Variants in C1orf53 observed in about 807,000 individuals in gnomAD.
C1orf53 encodes chromosome 1 open reading frame 53, also known as uncharacterized protein C1orf53.
In C1orf53, 23 loss-of-function variants were observed where a neutral mutation model predicts 17.5. The observed-to-expected ratio is 1.31, with a 90% CI of 0.94 to 1.86. The LOEUF (loss-of-function observed/expected upper bound fraction) is 1.86. Ranked by LOEUF, C1orf53 falls within the 40% of genes most tolerant of loss-of-function variation. The pLI, the probability that C1orf53 is intolerant of heterozygous loss-of-function variation, is 0.00. For missense variants in C1orf53, 255 were observed against 193.2 expected (o/e 1.32, Z -1.89); for synonymous variants, 108 against 81.9 (o/e 1.32, Z -1.72).
Position 197,902,707 on chromosome 1 carries a change from G to T in C1orf53, c.58G>T (p.Ala20Ser). ...TGAALCRQPS[A>S]APPPAPLWVR... ...TGCCGCGCTCTGCAGGCAACCTTCCGCCGCCCCGCCGCCAGCACCTCTCTG... is the reference window on the plus strand; with the variant it reads ...TGCCGCGCTCTGCAGGCAACCTTCCTCCGCCCCGCCGCCAGCACCTCTCTG... Residue 20 changes from alanine to serine, a missense_variant, in exon 1 of 3, where the codon GCC becomes TCC. Transcript: ENST00000367393. The T allele has an allele frequency of 6.6e-7, 1 of 1,524,396 alleles. No individual in the cohort carries two copies. 94.4% of individuals were successfully genotyped at this position (1,524,396 alleles called of 1,614,324 possible).
Position 197,902,907 on chromosome 1 carries a change from C to T in C1orf53, c.258C>T (p.Ala86=). 6.8e-7 allele frequency: 1 copy of T among 1,467,976 alleles called. No homozygotes were observed. Among genetic ancestry groups the T allele is most frequent in the Non-Finnish European group, 9.0e-7 (1 of 1,113,020 alleles). The allele number at this position is 1,467,976 out of a possible 1,614,324, so 90.9% of individuals were successfully genotyped here. ...AGATCGCGGAGCTGCACGCTGCCGC[C>T]TGCGCGGTGAGACTCCCTCCTGCCC... ...ERQIAELHAA[A]CAAGQLNYVD... The change falls in exon 1 of 3, where the codon GCC becomes GCT. Residue 86 remains alanine (A), a synonymous_variant. Coordinates refer to ENST00000367393, the MANE Select transcript of C1orf53 (RefSeq NM_001024594.3).
intron 2 of C1orf53, among the ~76,000 whole-genome samples, chr1:197,906,284 G>A (rs187751067): frequency 6.6e-6 from 1 of 152,174 alleles, no homozygotes; most frequent in African/African-American, 2.4e-5. Flanking sequence ...ATAGAAACTC[G>A]CCCAGCATTG....
In C1orf53 at chr1:197,902,894, T is replaced by A; in HGVS notation, c.245T>A (p.Leu82Gln). The A allele has an allele frequency of 6.7e-7, 1 of 1,482,714 alleles. No homozygotes were observed. The highest frequency in any genetic ancestry group is 8.9e-7 in the Non-Finnish European group (1 of 1,120,480). 91.8% of individuals were successfully genotyped at this position (1,482,714 alleles called of 1,614,324 possible). ...LTAAERQIAE[L>Q]HAAACAAGQL... ...GCGGCGGAGCGACAGATCGCGGAGC[T>A]GCACGCTGCCGCCTGCGCGGTGAGA... Residue 82 changes from leucine to glutamine, a missense_variant, in exon 1 of 3, where the codon CTG (leucine) becomes CAG (glutamine). By Grantham distance (113) the Leu-to-Gln change is moderately radical. Coordinates refer to ENST00000367393, the MANE Select transcript of C1orf53 (RefSeq NM_001024594.3).
rs370341155 is a variant in C1orf53 at position 197,906,475 on chromosome 1, G to A, written c.366+578G>A. 2.0e-3 allele frequency among the ~76,000 whole-genome samples: 298 copies of A among 146,640 alleles called. 1 individual carries two copies. Among genetic ancestry groups the A allele is most frequent in the African/African-American group, 7.1e-3 (281 of 39,620 alleles). On this transcript the variant is annotated intron_variant, in intron 2 of 2. Transcript: ENST00000367393. ...TTTCCAGTCTGTGTTTGAAATAACT[G>A]TGAAACTAGATTATACTGCATGTAG...
At chr1:197,906,416 C>T (rs1402463866) in intron 2 of C1orf53, among the ~76,000 whole-genome samples, 1 of 151,684 alleles carries the variant, frequency 6.6e-6, no homozygotes, top group African/African-American at 2.4e-5. Flanking sequence ...CCCCCCGCCA[C>T]CACCTTCCTC....
At chr1:197,903,116 TTGAG>T (rs2102582172) in intron 1 of C1orf53, among the ~76,000 whole-genome samples, 1 of 152,354 alleles carries the variant, frequency 6.6e-6, no homozygotes, top group Non-Finnish European at 1.5e-5. Context: ...TGTGTCTGTC[TTGAG>T]TATGAGTGTG....
At chr1:197,905,694 AT>A (rs1286444522) in intron 1 of C1orf53, 101 bp from the exon 2 acceptor site, 1 of 778,568 alleles carries the variant, frequency 1.3e-6, no homozygotes, top group African/African-American at 1.7e-5. Context: ...GAAGTTTAAT[AT>A]TGTTTAAAAT....
chr1:197,906,022 T>C, intron 2 of C1orf53, 125 bp downstream of exon 2: 1 of 714,248 alleles, frequency 1.4e-6, no homozygotes, highest in Non-Finnish European at 2.4e-6. Context: ...TTTCACAAGC[T>C]ACTTTAGCCA....
chr1:197,902,901 T>G lies in C1orf53; in HGVS notation c.252T>G (p.Ala84=). The part of the protein sequence containing the change: ...AAERQIAELH[A]AACAAGQLNY... ...AGCGACAGATCGCGGAGCTGCACGC[T>G]GCCGCCTGCGCGGTGAGACTCCCTC... Residue 84 remains alanine (A), a synonymous_variant, in exon 1 of 3, where the codon GCT becomes GCG. Coordinates refer to ENST00000367393, the MANE Select transcript of C1orf53 (RefSeq NM_001024594.3). 1 of 1,475,646 alleles carries G rather than the reference T, an allele frequency of 6.8e-7. No individual in the cohort carries two copies. Among genetic ancestry groups the G allele is most frequent in the Non-Finnish European group, 9.0e-7 (1 of 1,117,006 alleles). 91.4% of individuals were successfully genotyped at this position (1,475,646 alleles called of 1,614,324 possible).
chr1:197,905,775 T>A (rs765384914), intron 1 of C1orf53, 21 bp from the exon 2 acceptor site: 2 of 1,485,730 alleles, frequency 1.3e-6, no homozygotes, highest in Admixed American at 3.4e-5. Flanking sequence ...TAATGAATTG[T>A]TTCATTTTAT....
In C1orf53 at chr1:197,903,021, G is replaced by A. The variant is rs1012103434; in HGVS notation, c.264+108G>A. The A allele has an allele frequency of 6.0e-5, 64 of 1,059,322 alleles. 1 individual carries two copies. In the African/African-American group the frequency reaches 1.0e-3, roughly 17 times the overall value. 65.6% of individuals were successfully genotyped at this position (1,059,322 alleles called of 1,614,324 possible). ...CGGAGGCCGCCCGGCAGAGGCAAAG[G>A]TTGCTGGATACCGGTGCGGTCCTGC... is the stretch of plus-strand genomic sequence containing the variant. On this transcript the variant is annotated intron_variant, in intron 1 of 2. Coordinates refer to ENST00000367393, the MANE Select transcript of C1orf53 (RefSeq NM_001024594.3).
chr1:197,905,949 TC>T (rs755243366), intron 2 of C1orf53, 52 bp downstream of exon 2: 2 of 1,235,082 alleles, frequency 1.6e-6, no homozygotes, highest in Non-Finnish European at 2.4e-6. Flanking sequence ...TTCTGTAACT[TC>T]GTAAATACCT....
At chr1:197,903,907 T>C (rs1659479409) in intron 1 of C1orf53, among the ~76,000 whole-genome samples, 1 of 152,232 alleles carries the variant, frequency 6.6e-6, no homozygotes, top group African/African-American at 2.4e-5. Context: ...ATGTATATAA[T>C]TTGTTCTCAT....
intron 2 of C1orf53, 61 bp downstream of exon 2, chr1:197,905,958 C>A (rs1659518587): frequency 1.7e-6 from 2 of 1,189,082 alleles, no homozygotes; most frequent in Non-Finnish European, 2.5e-6. Flanking sequence ...TTCGTAAATA[C>A]CTATTATTTG....
intron 2 of C1orf53, 133 bp downstream of exon 2, chr1:197,906,030 C>T: frequency 1.5e-6 from 1 of 687,866 alleles, no homozygotes; most frequent in Non-Finnish European, 2.5e-6. Flanking sequence ...GCTACTTTAG[C>T]CAACGACAAT....
At chr1:197,904,578 A>G (rs922677357) in intron 1 of C1orf53, among the ~76,000 whole-genome samples, 2 of 152,318 alleles carry the variant, frequency 1.3e-5, no homozygotes, top group East Asian at 1.9e-4. Context: ...ACAATCGGTC[A>G]TTCTAAGGTA....
rs763406616 is a variant in C1orf53 at position 197,907,157 on chromosome 1, T to C, written c.375T>C (p.Tyr125=). ...CCGSACRHCP[Y]GQVNVKDPSK... Reference sequence around the variant, plus strand: ...TTTTATTTCTTCTGCAGTGTCCATATGGTCAAGTCAATGTTAAAGATCCAT... The same window carrying C: ...TTTTATTTCTTCTGCAGTGTCCATACGGTCAAGTCAATGTTAAAGATCCAT... Residue 125 remains tyrosine, a synonymous_variant, in exon 3 of 3, where the codon TAT becomes TAC. Transcript: ENST00000367393. The C allele has an allele frequency of 1.4e-5, 22 of 1,566,220 alleles. No individual in the cohort carries two copies. Among genetic ancestry groups the C allele is most frequent in the Non-Finnish European group, 1.6e-5 (18 of 1,146,054 alleles).
In C1orf53 at chr1:197,907,186, A is replaced by T; in HGVS notation, c.404A>T (p.Lys135Ile). The T allele has an allele frequency of 1.3e-6, 2 of 1,585,116 alleles. No homozygotes were observed. The highest frequency in any genetic ancestry group is 4.5e-5 in the East Asian group (2 of 44,388). The stretch of plus-strand genomic sequence containing the variant: ...CAAGTCAATGTTAAAGATCCATCTA[A>T]AAAGAAGCAATTCAATTCATATTTT... Reference protein sequence around the residue: ...YGQVNVKDPSKKKQFNSYFYV With the variant: ...YGQVNVKDPSIKKQFNSYFYV Residue 135 changes from lysine (K) to isoleucine (I), a missense_variant, in exon 3 of 3, where the codon AAA becomes ATA. Physicochemically the swap from Lys to Ile is moderately radical, Grantham distance 102. Transcript: ENST00000367393.
intron 1 of C1orf53, among the ~76,000 whole-genome samples, chr1:197,904,508 TG>T (rs1659490882): frequency 6.6e-6 from 1 of 152,218 alleles, no homozygotes; most frequent in African/African-American, 2.4e-5. Flanking sequence ...AGTGTTTTTT[TG>T]TTTTTCTTCC....
Sources: gnomAD v4.1 joint callset for allele counts (sites outside exome capture counted in the v4.1 genomes callset) on GRCh38, gnomAD v4.1.1 for gene constraint, MANE v1.5 for transcripts, NCBI Gene and HGNC (gene_info 2026-07-23, HGNC 2026-07-21) for gene names.